Variants in MAPK10 observed in about 807,000 individuals in gnomAD.
MAPK10 encodes the protein JNK3 alpha protein kinase.
In MAPK10, 25 loss-of-function variants were observed where a neutral mutation model predicts 59.3. The observed-to-expected ratio is 0.42, with a 90% CI of 0.31 to 0.59. The LOEUF (loss-of-function observed/expected upper bound fraction) is 0.59, where lower values mean the gene tolerates loss of function less well. MAPK10 is among the 20% of genes least tolerant of loss of function. The pLI is 0.15. For synonymous variants in MAPK10, 190 were observed against 200.5 expected (o/e 0.95, Z 0.44); for missense variants, 351 against 568.9 (o/e 0.62, Z 3.90).
At chr4:86,230,733 T>A (rs2091416640) in intron 2 of MAPK10, among the ~76,000 whole-genome samples, 1 of 152,242 alleles carries the variant, frequency 6.6e-6, no homozygotes. Flanking sequence ...TCTATGCAAT[T>A]TAAGTTTTAG....
At chr4:86,548,921 C>T (rs1328655841) in intron 1 of MAPK10, among the ~76,000 whole-genome samples, 1 of 152,142 alleles carries the variant, frequency 6.6e-6, no homozygotes, top group Non-Finnish European at 1.5e-5. Flanking sequence ...ATTTTTGTAA[C>T]ACTGTAAGGC....
chr4:86,215,042 T>C (rs2087054367), intron 2 of MAPK10, among the ~76,000 whole-genome samples: 1 of 152,154 alleles, frequency 6.6e-6, no homozygotes, highest in Non-Finnish European at 1.5e-5. Flanking sequence ...CAAAACTGTG[T>C]AGTACTAGCA....
At chr4:86,242,670 G>A (rs1335883647) in intron 2 of MAPK10, among the ~76,000 whole-genome samples, 4 of 152,176 alleles carry the variant, frequency 2.6e-5, no homozygotes, top group Non-Finnish European at 1.5e-5. Context: ...GACAAGTCTT[G>A]GGACCAAGCC....
At position 86,507,615 on chromosome 4, in the gene MAPK10, G is replaced by GATATAT. The variant is rs767683551; in HGVS notation, c.-263+86289_-263+86294dup. 3.1e-3 allele frequency among the ~76,000 whole-genome samples: 109 copies of GATATAT among 35,614 alleles called. 8 individuals carry two copies. The highest frequency in any genetic ancestry group is 3.4e-3 in the Non-Finnish European group (67 of 19,444). 23.4% of individuals were successfully genotyped at this position (35,614 alleles called of 152,430 possible). A position where few individuals can be genotyped will look rare whatever the true frequency, so the allele number is the denominator to read the frequency against. On this transcript the variant is annotated intron_variant, in intron 1 of 4. Transcript: ENST00000502302. ...TTACTATTAAAAAGAATAAACTGGAGATATATATATATATATATATATATA... is the reference window on the plus strand; with the variant it reads ...TTACTATTAAAAAGAATAAACTGGAGATATATATATATATATATATATATATATATA...
chr4:86,374,434 C>T (rs1321473377), intron 1 of MAPK10, among the ~76,000 whole-genome samples: 1 of 151,950 alleles, frequency 6.6e-6, no homozygotes, highest in African/African-American at 2.4e-5. Flanking sequence ...AAGATGTATC[C>T]CTCATTAGAA....
At chr4:86,101,398 T>C (rs541000079) in intron 7 of MAPK10, 181 bp from the exon 8 acceptor site, 175 of 528,150 alleles carry the variant, frequency 3.3e-4, no homozygotes, top group African/African-American at 3.0e-3. Flanking sequence ...TTGGAAAGTG[T>C]TTTAATCCCA....
intron 9 of MAPK10, among the ~76,000 whole-genome samples, chr4:86,086,400 G>A (rs59162008): frequency 1.5e-3 from 229 of 152,180 alleles, no homozygotes; most frequent in African/African-American, 5.4e-3. Flanking sequence ...AACTAAAAGA[G>A]TATAATTGAA....
In MAPK10 at chr4:86,224,867, T is replaced by C. The variant is rs115293209; in HGVS notation, c.-6-30460A>G. On this transcript the variant is annotated intron_variant, in intron 2 of 13. Coordinates refer to ENST00000641462, the MANE Select transcript of MAPK10 (RefSeq NM_138982.4). ...TGAATGAGACTAGCCTTACTATTCA[T>C]TTACAGAAATAACATCTTAAATACA... Among the ~76,000 whole-genome samples the C allele has an allele frequency of 5.5e-3, 842 of 152,332 alleles. 5 individuals are homozygous for C. Among genetic ancestry groups the C allele is most frequent in the African/African-American group, 0.019 (773 of 41,578 alleles).
At position 86,011,095 on chromosome 4, in the gene MAPK10, G is replaced by C. The variant is rs891511991; in HGVS notation, c.*6133C>G. On this transcript the variant is annotated 3_prime_UTR_variant, in exon 14 of 14. Transcript: ENST00000641462. The stretch of plus-strand genomic sequence containing the variant: ...AAAATTTCAAAGGAGTGTTTGACTT[G>C]TTGCTGGATGTGTCACCACATTTCA... 1.3e-5 allele frequency: 2 copies of C among 152,242 alleles called. No individual in the cohort carries two copies. Among genetic ancestry groups the C allele is most frequent in the Admixed American group, 1.3e-4 (2 of 15,284 alleles). 9.4% of individuals were successfully genotyped at this position (152,242 alleles called of 1,614,324 possible). A position where few individuals can be genotyped will look rare whatever the true frequency, so the allele number is the denominator to read the frequency against.
intron 9 of MAPK10, among the ~76,000 whole-genome samples, chr4:86,078,118 T>C (rs900882178): frequency 9.9e-5 from 15 of 152,176 alleles, no homozygotes; most frequent in Admixed American, 9.2e-4. Flanking sequence ...AAAACACCAG[T>C]GGTAATTGTA....
At chr4:86,433,956 C>G (rs988339912) in intron 1 of MAPK10, among the ~76,000 whole-genome samples, 1 of 152,092 alleles carries the variant, frequency 6.6e-6, no homozygotes, top group Admixed American at 6.5e-5. Flanking sequence ...TGGAGAAAAG[C>G]GTTTTTTCCA....
chr4:86,248,213 G>A (rs897519450), intron 2 of MAPK10, among the ~76,000 whole-genome samples: 1 of 152,076 alleles, frequency 6.6e-6, no homozygotes, highest in Non-Finnish European at 1.5e-5. Context: ...TGTGTCATTG[G>A]TTTTTTTCTA....
upstream of MAPK10, among the ~76,000 whole-genome samples, chr4:86,457,483 C>A (rs1012411239): frequency 2.3e-4 from 35 of 152,160 alleles, no homozygotes; most frequent in Non-Finnish European, 4.3e-4. Flanking sequence ...AATCAACATA[C>A]ACAAATCAAT....
At chr4:86,235,158 C>T (rs796148025) in intron 2 of MAPK10, among the ~76,000 whole-genome samples, 33 of 152,268 alleles carry the variant, frequency 2.2e-4, no homozygotes, top group African/African-American at 7.5e-4. Flanking sequence ...CTGAGGTGAA[C>T]TAAGGAACTG....
At chr4:86,490,496 C>A (rs1268017497) in intron 1 of MAPK10, among the ~76,000 whole-genome samples, 2 of 152,178 alleles carry the variant, frequency 1.3e-5, no homozygotes, top group African/African-American at 4.8e-5. Context: ...ATGGCCCATC[C>A]ATGCAATATA....
intron 1 of MAPK10, chr4:86,392,237 G>C (rs1045267236): frequency 1.3e-5 from 2 of 152,562 alleles, no homozygotes; most frequent in African/African-American, 4.8e-5. Context: ...TCAGGAGTTC[G>C]ACACCAGCCT....
rs966874037 is a variant in MAPK10 at position 86,059,939 on chromosome 4, G to C, written c.1110+4327C>G. 3.9e-5 allele frequency among the ~76,000 whole-genome samples: 6 copies of C among 152,086 alleles called. No individual in the cohort carries two copies. In the East Asian group the frequency reaches 7.7e-4, roughly 20 times the overall value. On this transcript the variant is annotated intron_variant, in intron 11 of 13. Transcript: ENST00000641462. ...TCAAGTACCCCAGGTTCACCTACTA[G>C]AGAAAAGAATTCCAAAATGCCAGCT...
At chr4:86,199,195 T>A (rs1461849294) in intron 2 of MAPK10, among the ~76,000 whole-genome samples, 1 of 152,042 alleles carries the variant, frequency 6.6e-6, no homozygotes, top group African/African-American at 2.4e-5. Context: ...AGAGAAACTC[T>A]TATGTTTTTA....
chr4:86,207,787 G>A (rs1201894367), intron 2 of MAPK10, among the ~76,000 whole-genome samples: 2 of 151,984 alleles, frequency 1.3e-5, no homozygotes, highest in African/African-American at 2.4e-5. Context: ...GGATTCCTAG[G>A]TCTTTTATTC....
Sources: allele counts gnomAD v4.1 joint callset (sites outside exome capture counted in the v4.1 genomes callset), GRCh38; gene constraint gnomAD v4.1.1; transcripts MANE v1.5; gene names NCBI Gene and HGNC (gene_info 2026-07-23, HGNC 2026-07-21).